The following TCF3 variants were observed in gnomAD, a reference collection of about 807,000 sequenced individuals.
TCF3 encodes transcription factor E2-alpha.
Under a neutral mutation model 72.3 loss-of-function variants are expected in TCF3, and 54 were observed. The observed-to-expected ratio is 0.75, with a 90% CI of 0.60 to 0.94. TCF3 has a LOEUF of 0.94. Ranked by LOEUF, TCF3 falls within the 40% of genes least tolerant of loss-of-function variation. The pLI is 0.00. For synonymous variants in TCF3, 525 were observed against 412.6 expected, an observed-to-expected ratio of 1.27 and a Z score of -3.30; for missense variants, 1,078 against 934.4, an observed-to-expected ratio of 1.15 and a Z score of -2.00.
At chr19:1,649,965 C>T (rs372418089) in intron 2 of TCF3, among the ~76,000 whole-genome samples, 1 of 152,214 alleles carries the variant, frequency 6.6e-6, no homozygotes, top group Non-Finnish European at 1.5e-5. Flanking sequence ...TAGAATGCTG[C>T]GTCCGGGCAA....
intron 5 of TCF3, among the ~76,000 whole-genome samples, chr19:1,629,491 C>G (rs1404999498): frequency 1.3e-5 from 2 of 151,990 alleles, no homozygotes; most frequent in Non-Finnish European, 2.9e-5. Flanking sequence ...GGCGAGCCCC[C>G]AGCATGGAAG....
chr19:1,631,869 C>G, intron 5 of TCF3, 169 bp downstream of exon 5: 1 of 1,509,044 alleles, frequency 6.6e-7, no homozygotes, highest in Non-Finnish European at 8.9e-7. Context: ...GGGCCACGTC[C>G]CCTGCACCTC....
At chr19:1,622,865 G>C (rs1362829462) in intron 8 of TCF3, among the ~76,000 whole-genome samples, 1 of 152,194 alleles carries the variant, frequency 6.6e-6, no homozygotes, top group African/African-American at 2.4e-5. Flanking sequence ...AACAGGAAGA[G>C]GGGTCTGTGA....
chr19:1,637,039 T>G (rs1219319131), intron 3 of TCF3, among the ~76,000 whole-genome samples: 1 of 151,910 alleles, frequency 6.6e-6, no homozygotes, highest in African/African-American at 2.4e-5. Context: ...ACAGGCAACC[T>G]CCTCCGCCAG....
chr19:1,646,964 G>A (rs1282614018), intron 2 of TCF3, among the ~76,000 whole-genome samples: 3 of 152,200 alleles, frequency 2.0e-5, no homozygotes, highest in Admixed American at 6.5e-5. Flanking sequence ...CGGGGGGTAG[G>A]GCCCAGTGTC....
intron 3 of TCF3, among the ~76,000 whole-genome samples, chr19:1,637,457 A>T (rs889692090): frequency 3.9e-5 from 6 of 152,178 alleles, no homozygotes; most frequent in African/African-American, 1.4e-4. Flanking sequence ...TCGAGCACAG[A>T]TGTTAAGTAA....
chr19:1,640,866 C>G (rs1402507314), intron 3 of TCF3, among the ~76,000 whole-genome samples: 1 of 150,630 alleles, frequency 6.6e-6, no homozygotes, highest in Admixed American at 6.6e-5. Context: ...GTTAATGAGG[C>G]GGCCAGGCGC....
rs574100953 is a variant in TCF3, at chr19:1,620,950, C to A, written c.1093+18G>T. The A allele has an allele frequency of 6.1e-6, 9 of 1,481,184 alleles. No individual in the cohort carries two copies. Among genetic ancestry groups the A allele is most frequent in the Admixed American group, 2.8e-5 (1 of 35,566 alleles). 91.8% of individuals were successfully genotyped at this position (1,481,184 alleles called of 1,614,324 possible). On this transcript the variant is annotated intron_variant, in intron 13 of 18. Transcript: ENST00000262965. ...CTCACAGACCTCAGCCTCCCCTCCCCCCAAAACCCTCACAGACCTGCCAGG... is the reference window on the plus strand; with the variant it reads ...CTCACAGACCTCAGCCTCCCCTCCCACCAAAACCCTCACAGACCTGCCAGG...
Position 1,619,297 on chromosome 19 carries a change from AC to A in TCF3, c.1326+18del. On this transcript the variant is annotated intron_variant, in intron 15 of 18. Transcript: ENST00000262965. ...GGGTCCCCGCCCACTGCCCAGCTCC[AC>A]CCTCGCCCAGCGCTCACCAGGCCTG... 2.6e-6 allele frequency: 4 copies of A among 1,566,830 alleles called. No individual in the cohort carries two copies. The highest frequency in any genetic ancestry group is 3.4e-6 in the Non-Finnish European group (4 of 1,162,446).
chr19:1,636,173 C>A (rs898162150), intron 3 of TCF3, among the ~76,000 whole-genome samples: 26 of 151,572 alleles, frequency 1.7e-4, no homozygotes, highest in African/African-American at 5.6e-4. Context: ...TTTTTTTTTT[C>A]TTTTGCTTTG....
intron 5 of TCF3, 140 bp from the exon 6 acceptor site, chr19:1,627,566 C>T: frequency 1.3e-6 from 1 of 749,070 alleles, no homozygotes; most frequent in Non-Finnish European, 2.2e-6. Flanking sequence ...CTGGCAGAGC[C>T]TGACCCCAGT....
rs762919209 is a variant in TCF3, at chr19:1,621,832, C to T, written c.955+6G>A. On this transcript the variant is annotated splice_donor_region_variant and intron_variant, in intron 11 of 18. Coordinates refer to ENST00000262965, the MANE Select transcript of TCF3 (RefSeq NM_003200.5). ...GGAGAGGCCGCATCCCAGGGAGGGG[C>T]CATACCCAGGAGGCTGTCGGCCCCG... The T allele has an allele frequency of 2.5e-6, 4 of 1,583,544 alleles. No homozygotes were observed. Among genetic ancestry groups the T allele is most frequent in the Middle Eastern group, 1.8e-4 (1 of 5,556 alleles).
intron 1 of TCF3, among the ~76,000 whole-genome samples, chr19:1,651,895 C>T (rs2067152582): frequency 6.6e-6 from 1 of 151,510 alleles, no homozygotes; most frequent in African/African-American, 2.4e-5. Context: ...GCTCCCCACC[C>T]CAAACTCCGG....
intron 16 of TCF3, among the ~76,000 whole-genome samples, chr19:1,616,788 G>A (rs1029871575): frequency 1.3e-5 from 2 of 151,926 alleles, no homozygotes; most frequent in Non-Finnish European, 2.9e-5. Context: ...AAGTAAAAAA[G>A]AAAAAACAAA....
intron 2 of TCF3, among the ~76,000 whole-genome samples, chr19:1,646,879 G>C (rs1020485457): frequency 6.6e-6 from 1 of 152,242 alleles, no homozygotes; most frequent in African/African-American, 2.4e-5. Flanking sequence ...GGATGCCTGA[G>C]CCCTGGCTGA....
At chr19:1,613,593 G>A (rs559816073) in intron 18 of TCF3, among the ~76,000 whole-genome samples, 4 of 152,288 alleles carry the variant, frequency 2.6e-5, no homozygotes, top group Admixed American at 2.0e-4. Flanking sequence ...TGTGGACAGA[G>A]GAGGCCTTGA....
At position 1,619,821 on chromosome 19, in the gene TCF3, CG is replaced by C; in HGVS notation, c.1125del (p.Gly376ValfsTer18). 2 of 1,576,724 alleles carry C rather than the reference CG, an allele frequency of 1.3e-6. No individual in the cohort carries two copies. The highest frequency in any genetic ancestry group is 1.2e-5 in the South Asian group (1 of 85,788). On this transcript the variant is annotated frameshift_variant, in exon 14 of 19. Coordinates refer to ENST00000262965, the MANE Select transcript of TCF3 (RefSeq NM_003200.5). LOFTEE classifies it high-confidence loss of function. ...GTSQWPRAGA[P>X]GALSPSYDGG... is the part of the protein sequence containing the mutation. ...CCGTCGTAGCTGGGCGATAAGGCAC[CG>C]GGGGCTCCTGCTCGAGGCCACTGTG...
intron 3 of TCF3, 75 bp from the exon 4 acceptor site, chr19:1,632,480 A>C: frequency 3.8e-4 from 556 of 1,447,000 alleles, no homozygotes; most frequent in Non-Finnish European, 4.7e-4. Flanking sequence ...TCATCATCTC[A>C]GGGGCAAACC....
intron 3 of TCF3, among the ~76,000 whole-genome samples, chr19:1,645,594 C>T (rs749484016): frequency 2.6e-5 from 4 of 152,250 alleles, no homozygotes; most frequent in African/African-American, 4.8e-5. Context: ...GGCTCTGCCC[C>T]GACACGCCCT....
Sources: gnomAD v4.1 joint callset for allele counts (sites outside exome capture counted in the v4.1 genomes callset) on GRCh38, gnomAD v4.1.1 for gene constraint, MANE v1.5 for transcripts, NCBI Gene and HGNC (gene_info 2026-07-23, HGNC 2026-07-21) for gene names.